LIMCH1: variants seen among roughly 807,000 people sequenced by gnomAD.
LIMCH1 encodes the protein LIM and calponin homology domains 1.
Under a neutral mutation model 176.5 loss-of-function variants are expected in LIMCH1, and 113 were observed. The observed-to-expected ratio is 0.64, with a 90% CI of 0.55 to 0.75. The LOEUF (loss-of-function observed/expected upper bound fraction) is 0.75, where lower values mean the gene tolerates loss of function less well. Among genes scored for constraint, LIMCH1 ranks in the 30% least tolerant of loss-of-function variants. The pLI is 0.00. For missense variants in LIMCH1, 1,674 were observed against 1,814.9 expected (o/e 0.92, Z 1.41); for synonymous variants, 619 against 645.9 (o/e 0.96, Z 0.63).
chr4:41,692,206 A>T, intron 30 of LIMCH1, 76 bp from the exon 31 acceptor site: 1 of 860,302 alleles, frequency 1.2e-6, no homozygotes, highest in Non-Finnish European at 2.0e-6. Context: ...TGTGCTATTC[A>T]CATAAACAGT....
At chr4:41,409,614 G>A (rs2059300851) in intron 1 of LIMCH1, among the ~76,000 whole-genome samples, 1 of 152,174 alleles carries the variant, frequency 6.6e-6, no homozygotes, top group Non-Finnish European at 1.5e-5. Flanking sequence ...TGGTTTGATA[G>A]CTATAAGCTG....
intron 1 of LIMCH1, among the ~76,000 whole-genome samples, chr4:41,445,130 C>T (rs1320325475): frequency 3.3e-5 from 5 of 151,742 alleles, no homozygotes; most frequent in East Asian, 3.9e-4. Flanking sequence ...CTCAGCCTCC[C>T]GAGTAGCTGG....
chr4:41,429,064 A>G (rs1201867674), intron 1 of LIMCH1, among the ~76,000 whole-genome samples: 1 of 152,230 alleles, frequency 6.6e-6, no homozygotes, highest in East Asian at 1.9e-4. Flanking sequence ...CAACGTAAAT[A>G]GCAGGTGCAA....
rs951062264 is a variant in LIMCH1, at chr4:41,697,285, T to C, written c.*100T>C. 87 of 1,069,572 alleles carry C rather than the reference T, an allele frequency of 8.1e-5. No homozygotes were observed. In the African/African-American group the frequency reaches 1.2e-3, roughly 15 times the overall value. The allele number at this position is 1,069,572 out of a possible 1,614,324, so 66.3% of individuals were successfully genotyped here. A position where few individuals can be genotyped will look rare whatever the true frequency, so the allele number is the denominator to read the frequency against. The stretch of plus-strand genomic sequence containing the variant: ...CCAAGCTCAGGGGCTTCTCAGCATT[T>C]ACCTAATTTCTGAAAGGCTCTTCTG... On this transcript the variant is annotated 3_prime_UTR_variant, in exon 32 of 32. Transcript: ENST00000503057.
intron 1 of LIMCH1, among the ~76,000 whole-genome samples, chr4:41,448,896 A>C (rs976391298): frequency 2.6e-5 from 4 of 152,148 alleles, no homozygotes; most frequent in Non-Finnish European, 5.9e-5. Context: ...ACGTAGATGG[A>C]AATACATTTG....
At chr4:41,555,797 G>A (rs1189974922) in intron 1 of LIMCH1, among the ~76,000 whole-genome samples, 4 of 152,138 alleles carry the variant, frequency 2.6e-5, no homozygotes, top group African/African-American at 9.7e-5. Flanking sequence ...CCAGGCTGCA[G>A]TGCAGCGGCG....
rs2152826395 is a variant in LIMCH1 at position 41,621,184 on chromosome 4, A to G, written c.725+494A>G. ...GAGAGTACTAAGTAGAATTGGGTTT[A>G]TTTGACTCCTTAGTTTCTAAAGCAT... is the stretch of plus-strand genomic sequence containing the variant. On this transcript the variant is annotated intron_variant, in intron 7 of 31. Coordinates refer to ENST00000503057, the MANE Select transcript of LIMCH1 (RefSeq NM_001330672.2). Among the ~76,000 whole-genome samples, 3 of 152,272 alleles carry G rather than the reference A, an allele frequency of 2.0e-5. No individual in the cohort carries two copies. The South Asian group carries it at 6.2e-4, about 32-fold the overall frequency.
At chr4:41,632,551 G>A (rs1046365371) in intron 10 of LIMCH1, among the ~76,000 whole-genome samples, 198 bp from the exon 11 acceptor site, 1 of 152,168 alleles carries the variant, frequency 6.6e-6, no homozygotes, top group African/African-American at 2.4e-5. Flanking sequence ...ACACAGCCTT[G>A]TTTGACCTTC....
chr4:41,550,101 G>T (rs1018621923), intron 1 of LIMCH1, among the ~76,000 whole-genome samples: 2 of 151,644 alleles, frequency 1.3e-5, no homozygotes, highest in Admixed American at 1.3e-4. Context: ...AGAGACGGCA[G>T]GCTTCACCCC....
intron 1 of LIMCH1, among the ~76,000 whole-genome samples, chr4:41,553,897 C>T (rs568418828): frequency 3.3e-5 from 5 of 152,194 alleles, no homozygotes; most frequent in South Asian, 2.1e-4. Context: ...TGTATAGTGA[C>T]GTAAAAACAA....
chr4:41,419,592 T>G lies in LIMCH1; in HGVS notation c.96+58656T>G, dbSNP rs201101715. 8.9e-3 allele frequency among the ~76,000 whole-genome samples: 803 copies of G among 89,880 alleles called. 18 individuals are homozygous for G. Among genetic ancestry groups the G allele is most frequent in the East Asian group, 0.044 (145 of 3,306 alleles). 59.0% of individuals were successfully genotyped at this position (89,880 alleles called of 152,430 possible). ...CTTCCTTCCTTCCTTCCTTCCTTCCTTCCTTCCTTCCGTCCTTCCTTCCTT... is the reference window on the plus strand; with the variant it reads ...CTTCCTTCCTTCCTTCCTTCCTTCCGTCCTTCCTTCCGTCCTTCCTTCCTT... On this transcript the variant is annotated intron_variant, in intron 1 of 26. Transcript: ENST00000313860.
chr4:41,419,677 CT>C (rs1561312134), intron 1 of LIMCH1, among the ~76,000 whole-genome samples: 1 of 74,382 alleles, frequency 1.3e-5, no homozygotes, highest in Non-Finnish European at 2.5e-5. Context: ...TCCTTCCTTC[CT>C]TCCTCCTTCC....
intron 8 of LIMCH1, among the ~76,000 whole-genome samples, chr4:41,628,236 C>A (rs2093095525): frequency 6.6e-6 from 1 of 152,096 alleles, no homozygotes; most frequent in Non-Finnish European, 1.5e-5. Context: ...TGGCAATCAG[C>A]AATTTGAGTC....
intron 1 of LIMCH1, among the ~76,000 whole-genome samples, chr4:41,569,000 T>C (rs2083151210): frequency 6.6e-6 from 1 of 151,150 alleles, no homozygotes; most frequent in African/African-American, 2.5e-5. Context: ...TCTCATATAA[T>C]TAAAAAAAAC....
intron 1 of LIMCH1, among the ~76,000 whole-genome samples, chr4:41,424,121 C>T (rs542173807): frequency 1.3e-5 from 2 of 151,874 alleles, no homozygotes; most frequent in African/African-American, 2.4e-5. Context: ...GCGTACTAGC[C>T]TTATACATGT....
At chr4:41,373,915 A>G (rs889758759) in intron 1 of LIMCH1, among the ~76,000 whole-genome samples, 1 of 152,050 alleles carries the variant, frequency 6.6e-6, no homozygotes, top group African/African-American at 2.4e-5. Flanking sequence ...TGGTTGTTTA[A>G]AAGTGTGTAG....
chr4:41,571,063 G>A (rs895696886), intron 1 of LIMCH1, among the ~76,000 whole-genome samples: 1 of 152,110 alleles, frequency 6.6e-6, no homozygotes, highest in Non-Finnish European at 1.5e-5. Context: ...CAGATTGTGA[G>A]GGGGATCAAA....
intron 2 of LIMCH1, among the ~76,000 whole-genome samples, chr4:41,601,315 G>A (rs2089883516): frequency 6.6e-6 from 1 of 152,188 alleles, no homozygotes; most frequent in Admixed American, 6.5e-5. Context: ...AAATAAAATG[G>A]AGTGATAAGC....
chr4:41,614,786 G>A (rs534552036), intron 5 of LIMCH1, among the ~76,000 whole-genome samples: 1 of 152,264 alleles, frequency 6.6e-6, no homozygotes, highest in East Asian at 1.9e-4. Flanking sequence ...GAGAAGTTAA[G>A]TAATCATCTC....
Sources: gnomAD v4.1 joint callset for allele counts (sites outside exome capture counted in the v4.1 genomes callset) on GRCh38, gnomAD v4.1.1 for gene constraint, MANE v1.5 for transcripts, NCBI Gene and HGNC (gene_info 2026-07-23, HGNC 2026-07-21) for gene names.